SCHIP1: variants seen among roughly 807,000 people sequenced by gnomAD.
The protein encoded by SCHIP1 is schwannomin interacting protein 1, also known as schwannomin-interacting protein 1.
SCHIP1 carries 8 observed loss-of-function variants against 29.7 expected under a neutral mutation model. That is an observed-to-expected ratio of 0.27 (90% CI 0.16 to 0.49). The LOEUF is 0.49. Among genes scored for constraint, SCHIP1 ranks in the 20% least tolerant of loss-of-function variants. SCHIP1 has a pLI of 0.99. For missense variants in SCHIP1, 193 were observed against 294.6 expected, an observed-to-expected ratio of 0.66 and a Z score of 2.52; for synonymous variants, 76 against 94.9, an observed-to-expected ratio of 0.80 and a Z score of 1.16.
intron 3 of SCHIP1, 182 bp from the exon 5 acceptor site, chr3:159,887,526 T>C (rs751639088): frequency 2.7e-4 from 179 of 658,512 alleles, no homozygotes; most frequent in Non-Finnish European, 4.0e-4. Context: ...TATGCTAAAA[T>C]CTATTTTAAA....
chr3:159,428,864 C>T, the SCHIP1 span, among the ~76,000 whole-genome samples: 1 of 152,158 alleles, frequency 6.6e-6, no homozygotes, highest in East Asian at 1.9e-4. Context: ...TGCTATGCAG[C>T]CATAAAAAGT....
At chr3:159,858,215 C>A (rs2109176198) in intron 1 of SCHIP1, among the ~76,000 whole-genome samples, 1 of 152,310 alleles carries the variant, frequency 6.6e-6, no homozygotes, top group Admixed American at 6.5e-5. Flanking sequence ...GGGAGGCAAT[C>A]ATTTGAGAAG....
chr3:159,841,465 T>G (rs573367439), intron 1 of SCHIP1, among the ~76,000 whole-genome samples: 1 of 152,000 alleles, frequency 6.6e-6, no homozygotes, highest in Non-Finnish European at 1.5e-5. Flanking sequence ...ATACAGAACT[T>G]GAGGGTAGGG....
chr3:159,595,364 C>T, the SCHIP1 span, among the ~76,000 whole-genome samples: 1 of 151,948 alleles, frequency 6.6e-6, no homozygotes, highest in South Asian at 2.1e-4. Flanking sequence ...AGGAGGAGAA[C>T]CAGCAGCAGC....
At chr3:159,842,375 C>T (rs752567705) in intron 1 of SCHIP1, among the ~76,000 whole-genome samples, 1 of 152,056 alleles carries the variant, frequency 6.6e-6, no homozygotes, top group Non-Finnish European at 1.5e-5. Flanking sequence ...TCATTGTTGT[C>T]GTGGTTGTTA....
chr3:159,513,896 C>T, the SCHIP1 span, among the ~76,000 whole-genome samples: 1 of 152,178 alleles, frequency 6.6e-6, no homozygotes, highest in Non-Finnish European at 1.5e-5. Flanking sequence ...TGCAATGTTC[C>T]AAATCCCCAC....
At chr3:159,601,202 GGGCAGCCTGCAT>G in the SCHIP1 span, among the ~76,000 whole-genome samples, 9 of 152,142 alleles carry the variant, frequency 5.9e-5, no homozygotes, top group Non-Finnish European at 7.4e-5. Context: ...TTGGGTCTCT[GGGCAGCCTGCAT>G]GGTGTGGGTG....
intron 2 of SCHIP1, among the ~76,000 whole-genome samples, chr3:159,875,723 A>G (rs1191550628): frequency 6.6e-6 from 1 of 152,236 alleles, no homozygotes; most frequent in Non-Finnish European, 1.5e-5. Context: ...GTTTAACACC[A>G]TCCTTTTACT....
At chr3:159,634,835 C>G in the SCHIP1 span, among the ~76,000 whole-genome samples, 2 of 152,128 alleles carry the variant, frequency 1.3e-5, no homozygotes, top group Non-Finnish European at 2.9e-5. Flanking sequence ...TTATATTTTG[C>G]AGCAACTGTC....
chr3:159,832,306 G>A, the SCHIP1 span, among the ~76,000 whole-genome samples: 5 of 152,066 alleles, frequency 3.3e-5, no homozygotes, highest in African/African-American at 1.2e-4. Context: ...AAGACTGAAT[G>A]AATGCCTGCC....
At chr3:159,827,576 C>T in the SCHIP1 span, among the ~76,000 whole-genome samples, 5 of 151,994 alleles carry the variant, frequency 3.3e-5, no homozygotes, top group Non-Finnish European at 7.4e-5. Flanking sequence ...GAGGCCGAGG[C>T]GGGTGGATCA....
the SCHIP1 span, among the ~76,000 whole-genome samples, chr3:159,622,684 C>T: frequency 1.7e-3 from 252 of 151,978 alleles, 1 homozygote; most frequent in African/African-American, 5.6e-3. Flanking sequence ...TTTGGGAGGC[C>T]GAGGCGGGTG....
At chr3:159,391,984 G>C in the SCHIP1 span, among the ~76,000 whole-genome samples, 1 of 152,184 alleles carries the variant, frequency 6.6e-6, no homozygotes, top group Admixed American at 6.5e-5. Flanking sequence ...ATCAGTAAAG[G>C]TTAGAGCGAG....
At chr3:159,324,240 CTACAAATA>C in the SCHIP1 span, among the ~76,000 whole-genome samples, 1 of 127,018 alleles carries the variant, frequency 7.9e-6, no homozygotes, top group Non-Finnish European at 1.9e-5. Context: ...TATATACTTA[CTACAAATA>C]AAATATTTAT....
At chr3:159,886,381 T>C (rs1349113270) in intron 3 of SCHIP1, 57 bp downstream of exon 4, 3 of 1,507,318 alleles carry the variant, frequency 2.0e-6, no homozygotes, top group Non-Finnish European at 2.8e-6. Context: ...GCCATTTAGC[T>C]TCTTTTCTGT....
chr3:159,830,498 GT>G, the SCHIP1 span, among the ~76,000 whole-genome samples: 10 of 151,960 alleles, frequency 6.6e-5, no homozygotes, highest in African/African-American at 2.4e-4. Flanking sequence ...CATAACCAAG[GT>G]CAGAATAGTC....
chr3:159,294,300 G>A, the SCHIP1 span, among the ~76,000 whole-genome samples: 1 of 152,092 alleles, frequency 6.6e-6, no homozygotes, highest in East Asian at 1.9e-4. Flanking sequence ...ATGTCTGTGT[G>A]GTTCCATCTC....
chr3:159,576,402 T>C, the SCHIP1 span, among the ~76,000 whole-genome samples: 3 of 152,228 alleles, frequency 2.0e-5, no homozygotes, highest in Non-Finnish European at 2.9e-5. Context: ...ATAATCCATC[T>C]TTTCTCTGTG....
chr3:159,586,079 T>G, the SCHIP1 span, among the ~76,000 whole-genome samples: 1 of 152,094 alleles, frequency 6.6e-6, no homozygotes, highest in South Asian at 2.1e-4. Context: ...TTAATAAGCT[T>G]TGGTTTTTCC....
Sources: gnomAD v4.1 joint callset for allele counts (sites outside exome capture counted in the v4.1 genomes callset) on GRCh38, gnomAD v4.1.1 for gene constraint, MANE v1.5 for transcripts, NCBI Gene and HGNC (gene_info 2026-07-23, HGNC 2026-07-21) for gene names.